NECAB2: variants seen among roughly 807,000 people sequenced by gnomAD.
NECAB2 encodes N-terminal EF-hand calcium-binding protein 2.
A neutral mutation model predicts 51.9 loss-of-function variants in NECAB2; 68 were observed. The ratio of observed to expected loss-of-function variants is 1.31; its 90% CI spans 1.08 to 1.60. The LOEUF (loss-of-function observed/expected upper bound fraction) is 1.60, where lower values mean the gene tolerates loss of function less well. Ranked by LOEUF, NECAB2 falls within the 40% of genes most tolerant of loss-of-function variation. The pLI is 0.00. For synonymous variants in NECAB2, 329 were observed against 203.5 expected (o/e 1.62, Z -5.25); for missense variants, 854 against 490.3 (o/e 1.74, Z -7.00).
chr16:83,997,287 C>G lies in NECAB2; in HGVS notation c.849+18C>G. On this transcript the variant is annotated intron_variant, in intron 9 of 12. Coordinates refer to ENST00000305202, the MANE Select transcript of NECAB2 (RefSeq NM_019065.3). ...CCAACATGGTGAGGCCCCTTCCCAC[C>G]TCTCTTCTGGGACCACATCCCTACC... The G allele has an allele frequency of 3.1e-6, 5 of 1,613,956 alleles. No individual in the cohort carries two copies. The highest frequency in any genetic ancestry group is 4.2e-6 in the Non-Finnish European group (5 of 1,179,930).
chr16:83,985,444 C>A (rs536451671), intron 5 of NECAB2, among the ~76,000 whole-genome samples: 4 of 150,966 alleles, frequency 2.6e-5, no homozygotes, highest in Admixed American at 6.6e-5. Context: ...ACAAGCCTGG[C>A]CAACATGGTG....
At position 84,000,738 on chromosome 16, in the gene NECAB2, G is replaced by T; in HGVS notation, c.977G>T (p.Arg326Met). 2 of 1,613,882 alleles carry T rather than the reference G, an allele frequency of 1.2e-6. No individual in the cohort carries two copies. The highest frequency in any genetic ancestry group is 1.7e-6 in the Non-Finnish European group (2 of 1,179,960). Residue 326 changes from arginine (R) to methionine (M), a missense_variant, in exon 11 of 13, where the codon AGG (arginine) becomes ATG (methionine). Transcript: ENST00000305202. Reference protein sequence around the residue: ...VRNCFHITAVRLSDGFTFVIY... With the variant: ...VRNCFHITAVMLSDGFTFVIY... ...TCCTGTTGCAGCATCACTGCCGTGAGGCTCTCAGATGGCTTCACCTTTGTC... is the reference window on the plus strand; with the variant it reads ...TCCTGTTGCAGCATCACTGCCGTGATGCTCTCAGATGGCTTCACCTTTGTC...
chr16:84,000,153 A>G (rs1024757410), intron 10 of NECAB2, among the ~76,000 whole-genome samples: 3 of 152,134 alleles, frequency 2.0e-5, no homozygotes, highest in Admixed American at 2.0e-4. Context: ...CGACCCCTCA[A>G]GACTTCCCAA....
intron 2 of NECAB2, among the ~76,000 whole-genome samples, chr16:83,978,082 T>C (rs1253169974): frequency 6.6e-6 from 1 of 152,206 alleles, no homozygotes; most frequent in South Asian, 2.1e-4. Context: ...AGATACTCTA[T>C]ATTTGTTGAA....
chr16:83,995,154 C>T (rs561749907), intron 8 of NECAB2, among the ~76,000 whole-genome samples: 1 of 152,182 alleles, frequency 6.6e-6, no homozygotes, highest in African/African-American at 2.4e-5. Flanking sequence ...TATGGGACGT[C>T]CACAGGTGAT....
At chr16:83,965,802 C>G, upstream of NECAB2, 1 of 1,612,986 alleles carries the variant, frequency 6.2e-7, no homozygotes, top group Non-Finnish European at 8.5e-7. Context: ...GGGGCAGGGG[C>G]TGACTTTGCA....
Position 83,998,313 on chromosome 16 carries a change from T to A in NECAB2, c.958T>A (p.Phe320Ile). Residue 320 changes from phenylalanine (F) to isoleucine (I), a missense_variant, in exon 10 of 13, where the codon TTC (phenylalanine) becomes ATC (isoleucine). Physicochemically the swap from Phe to Ile is conservative, Grantham distance 21 (BLOSUM62 0). Transcript: ENST00000305202. ...LRGTTGVRNC[F>I]HITAVRLSDG... is the part of the protein sequence containing the mutation. ...GGGGACCACTGGCGTGAGGAACTGCTTCCAGTGAGTGAGCTGCCGAGGCGT... is the reference window on the plus strand; with the variant it reads ...GGGGACCACTGGCGTGAGGAACTGCATCCAGTGAGTGAGCTGCCGAGGCGT... The A allele has an allele frequency of 6.2e-7, 1 of 1,613,350 alleles. No individual in the cohort carries two copies. The highest frequency in any genetic ancestry group is 8.5e-7 in the Non-Finnish European group (1 of 1,179,902).
intron 2 of NECAB2, among the ~76,000 whole-genome samples, chr16:83,972,664 AG>A (rs1238937614): frequency 6.6e-6 from 1 of 152,208 alleles, no homozygotes; most frequent in African/African-American, 2.4e-5. Context: ...AATTTGCCCC[AG>A]GGTTGCCCAG....
At chr16:83,990,086 C>T (rs1461837251) in intron 5 of NECAB2, among the ~76,000 whole-genome samples, 1 of 152,216 alleles carries the variant, frequency 6.6e-6, no homozygotes, top group African/African-American at 2.4e-5. Context: ...ACAAAACTAC[C>T]AGTCACTATC....
intron 12 of NECAB2, 78 bp from the exon 13 acceptor site, chr16:84,002,240 C>T (rs1311897044): frequency 3.8e-5 from 59 of 1,543,766 alleles, no homozygotes; most frequent in Middle Eastern, 1.9e-4. Context: ...CCCGACCTGT[C>T]ATTCAAGACG....
At chr16:83,983,971 G>T (rs2084519582) in intron 5 of NECAB2, among the ~76,000 whole-genome samples, 1 of 143,972 alleles carries the variant, frequency 6.9e-6, no homozygotes, top group African/African-American at 2.7e-5. Flanking sequence ...CTTGTCCATT[G>T]TAAAATACAT....
At chr16:83,995,147 G>T (rs1429450214) in intron 8 of NECAB2, among the ~76,000 whole-genome samples, 1 of 152,208 alleles carries the variant, frequency 6.6e-6, no homozygotes, top group African/African-American at 2.4e-5. Flanking sequence ...AGTGTGATAT[G>T]GGACGTCCAC....
chr16:83,994,112 C>T (rs1433269915), intron 6 of NECAB2, among the ~76,000 whole-genome samples, 190 bp from the exon 7 acceptor site: 3 of 152,222 alleles, frequency 2.0e-5, no homozygotes, highest in Non-Finnish European at 4.4e-5. Context: ...CAGCTAGCTG[C>T]GTGGCCCTGG....
At chr16:83,967,832 T>C, upstream of NECAB2, among the ~76,000 whole-genome samples, 1 of 110,534 alleles carries the variant, frequency 9.0e-6, no homozygotes, top group Non-Finnish European at 1.8e-5. Flanking sequence ...GATGGATGGA[T>C]GGGAGGATGC....
At chr16:83,970,541 C>T (rs2084336693) in intron 1 of NECAB2, among the ~76,000 whole-genome samples, 1 of 152,242 alleles carries the variant, frequency 6.6e-6, no homozygotes, top group South Asian at 2.1e-4. Context: ...CAAGGGTGCC[C>T]CCTTTCTCGT....
intron 5 of NECAB2, among the ~76,000 whole-genome samples, chr16:83,987,625 A>T (rs553775536): frequency 6.6e-6 from 1 of 152,070 alleles, no homozygotes; most frequent in African/African-American, 2.4e-5. Flanking sequence ...CATTTTCCCT[A>T]TGTTACTAAA....
At chr16:83,968,891 G>C in intron 1 of NECAB2, 42 bp downstream of exon 1, 2 of 1,072,228 alleles carry the variant, frequency 1.9e-6, no homozygotes, top group Non-Finnish European at 2.3e-6. Context: ...GGCCTCCGCT[G>C]GGACCCGGAG....
chr16:83,997,127 C>T, intron 8 of NECAB2, 89 bp from the exon 9 acceptor site: 1 of 1,547,892 alleles, frequency 6.5e-7, no homozygotes, highest in Non-Finnish European at 8.9e-7. Flanking sequence ...TTGGGAGCTC[C>T]CAACAGCCCC....
chr16:83,990,494 G>A lies in NECAB2; in HGVS notation c.460G>A (p.Val154Ile). 1 of 1,614,044 alleles carries A rather than the reference G, an allele frequency of 6.2e-7. No individual in the cohort carries two copies. Among genetic ancestry groups the A allele is most frequent in the Non-Finnish European group, 8.5e-7 (1 of 1,180,004 alleles). ...VLKAMGYTKK[V>I]YEGGSNVDQF... is the part of the protein sequence containing the mutation. ...AGTGCCTCTTCTCTTCCTTCCACAGGTATATGAGGGTGGGAGCAACGTGGA... is the reference window on the plus strand; with the variant it reads ...AGTGCCTCTTCTCTTCCTTCCACAGATATATGAGGGTGGGAGCAACGTGGA... Residue 154 changes from valine (V) to isoleucine (I), a missense_variant and splice_region_variant, in exon 6 of 13, where the codon GTA becomes ATA. By Grantham distance (29) the Val-to-Ile change is conservative. Transcript: ENST00000305202.
Sources: allele counts gnomAD v4.1 joint callset (sites outside exome capture counted in the v4.1 genomes callset), GRCh38; gene constraint gnomAD v4.1.1; transcripts MANE v1.5; gene names NCBI Gene and HGNC (gene_info 2026-07-23, HGNC 2026-07-21).